Variants in NEURL1B observed in about 807,000 individuals in gnomAD.
NEURL1B encodes the protein E3 ubiquitin-protein ligase NEURL1B.
A neutral mutation model predicts 37.4 loss-of-function variants in NEURL1B; 13 were observed. The observed-to-expected ratio is 0.35, with a 90% CI of 0.23 to 0.55. NEURL1B has a LOEUF of 0.55. NEURL1B is among the 20% of genes least tolerant of loss of function. The pLI is 0.89. For missense variants in NEURL1B, 790 were observed against 879.2 expected (o/e 0.90, Z 1.28); for synonymous variants, 432 against 426.6 (o/e 1.01, Z -0.16).
intron 2 of NEURL1B, among the ~76,000 whole-genome samples, chr5:172,679,889 C>T (rs1459149962): frequency 1.3e-5 from 2 of 152,164 alleles, no homozygotes; most frequent in Non-Finnish European, 2.9e-5. Flanking sequence ...CCAGCTCTGT[C>T]ACTCCCCAGC....
intron 2 of NEURL1B, among the ~76,000 whole-genome samples, chr5:172,677,425 C>T (rs1758251808): frequency 6.6e-6 from 1 of 152,148 alleles, no homozygotes; most frequent in Non-Finnish European, 1.5e-5. Context: ...TCCCCACAGG[C>T]CACTAAGATG....
At chr5:172,664,246 C>T (rs1019577641) in intron 1 of NEURL1B, among the ~76,000 whole-genome samples, 1 of 152,112 alleles carries the variant, frequency 6.6e-6, no homozygotes, top group Non-Finnish European at 1.5e-5. Context: ...CTCAACGCTG[C>T]CCCCTTGCAG....
At chr5:172,671,255 G>C (rs1758125290) in intron 2 of NEURL1B, among the ~76,000 whole-genome samples, 2 of 152,240 alleles carry the variant, frequency 1.3e-5, no homozygotes, top group South Asian at 4.1e-4. Context: ...CTTAGCTCTT[G>C]AACCTACAGG....
rs1453939347 is a variant in NEURL1B, at chr5:172,661,158, G to A, written c.32-8627G>A. On this transcript the variant is annotated intron_variant, in intron 1 of 4. Transcript: ENST00000369800. This position sits in a 1 kb window ranked among gnomAD's most constrained non-coding sequence, Gnocchi z 4.0. ...AGTGCTGGTTTACATTTTGGACTGG[G>A]GCAAATGTCATTTGAACCAGAGATT... Among the ~76,000 whole-genome samples, 1 of 152,158 alleles carries A rather than the reference G, an allele frequency of 6.6e-6. No homozygotes were observed. Among genetic ancestry groups the A allele is most frequent in the Admixed American group, 6.5e-5 (1 of 15,284 alleles).
At chr5:172,650,381 G>A (rs1363933727) in intron 1 of NEURL1B, among the ~76,000 whole-genome samples, 3 of 152,188 alleles carry the variant, frequency 2.0e-5, no homozygotes, top group Non-Finnish European at 2.9e-5. Context: ...CTGTTCTCAG[G>A]ACCAGAGGGT....
intron 1 of NEURL1B, among the ~76,000 whole-genome samples, chr5:172,653,896 T>C (rs905080673): frequency 1.3e-5 from 2 of 152,346 alleles, no homozygotes; most frequent in South Asian, 4.1e-4. Context: ...GCCTCAACTT[T>C]CTGACTTACT....
intron 1 of NEURL1B, among the ~76,000 whole-genome samples, chr5:172,668,855 G>T (rs1463627606): frequency 1.3e-5 from 2 of 152,174 alleles, no homozygotes; most frequent in Non-Finnish European, 2.9e-5. Context: ...GAGCCACCTG[G>T]CTTTGTGATC....
intron 1 of NEURL1B, among the ~76,000 whole-genome samples, chr5:172,648,457 G>A (rs142616743): frequency 3.9e-5 from 6 of 152,322 alleles, no homozygotes; most frequent in Middle Eastern, 3.4e-3. Context: ...CAGCAGGTAC[G>A]TCCATGTCTA....
At position 172,684,015 on chromosome 5, in the gene NEURL1B, G is replaced by T; in HGVS notation, c.1174G>T (p.Gly392Cys). 7.5e-7 allele frequency: 1 copy of T among 1,336,054 alleles called. No individual in the cohort carries two copies. Among genetic ancestry groups the T allele is most frequent in the Non-Finnish European group, 9.6e-7 (1 of 1,040,994 alleles). 82.8% of individuals were successfully genotyped at this position (1,336,054 alleles called of 1,614,324 possible). A position where few individuals can be genotyped will look rare whatever the true frequency, so the allele number is the denominator to read the frequency against. The change falls in exon 3 of 5, where the codon GGC becomes TGC. Residue 392 changes from glycine to cysteine, a missense_variant. Gly to Cys is a radical substitution (Grantham distance 159). Around this residue, in one of 3 missense-constraint regions of NEURL1B, gnomAD observed 460 missense variants for 407.4 expected, o/e 1.13. Transcript: ENST00000369800. ...GCTCAGCTTCACGCTGCGGCCCGGC[G>T]GCGACGTGCTCCTGGGCATCAACGG... ...DALSFTLRPG[G>C]DVLLGINGRP... is the part of the protein sequence containing the mutation.
At chr5:172,651,256 A>G (rs998140379) in intron 1 of NEURL1B, among the ~76,000 whole-genome samples, 1 of 152,138 alleles carries the variant, frequency 6.6e-6, no homozygotes, top group Non-Finnish European at 1.5e-5. Context: ...TTCTCTGGAT[A>G]AGGTGGAGGA....
In NEURL1B at chr5:172,676,584, C is replaced by G. The variant is rs1758235835; in HGVS notation, c.577+6254C>G. Among the ~76,000 whole-genome samples the G allele has an allele frequency of 6.6e-6, 1 of 152,176 alleles. No homozygotes were observed. Among genetic ancestry groups the G allele is most frequent in the African/African-American group, 2.4e-5 (1 of 41,452 alleles). On this transcript the variant is annotated intron_variant, in intron 2 of 4. Coordinates refer to ENST00000369800, the MANE Select transcript of NEURL1B (RefSeq NM_001142651.3). This position sits in a 1 kb window ranked among gnomAD's most constrained non-coding sequence, Gnocchi z 4.5. ...GAGGTGGGGGTGGGGCAGTTCCCTC[C>G]AAAGAAAAGCTGGGTGCTGTTACCA...
intron 1 of NEURL1B, among the ~76,000 whole-genome samples, chr5:172,655,477 C>T (rs762173520): frequency 2.7e-4 from 41 of 152,250 alleles, no homozygotes; most frequent in Admixed American, 2.0e-4. Context: ...AGGATCCACC[C>T]TAAACCATAT....
chr5:172,686,952 G>A lies in NEURL1B; in HGVS notation c.*27G>A, dbSNP rs2113341608. 6.5e-7 allele frequency: 1 copy of A among 1,529,236 alleles called. No individual in the cohort carries two copies. Among genetic ancestry groups the A allele is most frequent in the South Asian group, 1.2e-5 (1 of 83,292 alleles). The allele number at this position is 1,529,236 out of a possible 1,614,324, so 94.7% of individuals were successfully genotyped here. On this transcript the variant is annotated 3_prime_UTR_variant, in exon 5 of 5. Coordinates refer to ENST00000369800, the MANE Select transcript of NEURL1B (RefSeq NM_001142651.3). This position sits in a 1 kb window ranked among gnomAD's most constrained non-coding sequence, Gnocchi z 7.9. ...CTAGCCTGCCCACGGGCCTTGGCCG[G>A]TGCAAGGTCACCTTTCTGAAGGCCC... is the stretch of plus-strand genomic sequence containing the variant.
chr5:172,688,888 C>T lies in NEURL1B; in HGVS notation c.*1963C>T, dbSNP rs1341487735. ...CATGGGAGGACTCCTCACCCCAGGC[C>T]TGTGGTGCTGCAGACAACCGTCTCC... On this transcript the variant is annotated 3_prime_UTR_variant, in exon 5 of 5. Coordinates refer to ENST00000369800, the MANE Select transcript of NEURL1B (RefSeq NM_001142651.3). The surrounding 1 kb of genome is among the most constrained non-coding windows in gnomAD (Gnocchi z 4.3). 6.6e-6 allele frequency: 1 copy of T among 152,270 alleles called. No homozygotes were observed. Among genetic ancestry groups the T allele is most frequent in the Non-Finnish European group, 1.5e-5 (1 of 68,058 alleles). The allele number at this position is 152,270 out of a possible 1,614,324, so 9.4% of individuals were successfully genotyped here. A position where few individuals can be genotyped will look rare whatever the true frequency, so the allele number is the denominator to read the frequency against.
At position 172,657,986 on chromosome 5, in the gene NEURL1B, C is replaced by G. The variant is rs10055547; in HGVS notation, c.32-11799C>G. On this transcript the variant is annotated intron_variant, in intron 1 of 4. Coordinates refer to ENST00000369800, the MANE Select transcript of NEURL1B (RefSeq NM_001142651.3). This position sits in a 1 kb window ranked among gnomAD's most constrained non-coding sequence, Gnocchi z 4.0. ...AAAACGCTGACATATGCTGCCTTCT[C>G]TGTCTGCTTCAGCTACCTAAGAGGG... 0.17 allele frequency among the ~76,000 whole-genome samples: 25,918 copies of G among 152,194 alleles called. 2,370 individuals are homozygous for G. Among genetic ancestry groups the G allele is most frequent in the Admixed American group, 0.25 (3,760 of 15,288 alleles).
At chr5:172,680,230 CTA>C (rs1354667332) in intron 2 of NEURL1B, among the ~76,000 whole-genome samples, 3 of 152,186 alleles carry the variant, frequency 2.0e-5, no homozygotes, top group African/African-American at 7.2e-5. Flanking sequence ...CTCTATCACT[CTA>C]TGTTATGCTG....
At chr5:172,678,585 G>GT (rs1372180687) in intron 2 of NEURL1B, among the ~76,000 whole-genome samples, 1 of 149,292 alleles carries the variant, frequency 6.7e-6, no homozygotes, top group Admixed American at 6.6e-5. Flanking sequence ...GCCATTGGCA[G>GT]TAAGTGACAC....
chr5:172,661,028 G>A lies in NEURL1B; in HGVS notation c.32-8757G>A, dbSNP rs1380308844. The stretch of plus-strand genomic sequence containing the variant: ...ATATCTTGGCCCCTCTGGATATGGC[G>A]GGAAGCCTTGCTAAATACCAGCCTT... On this transcript the variant is annotated intron_variant, in intron 1 of 4. Coordinates refer to ENST00000369800, the MANE Select transcript of NEURL1B (RefSeq NM_001142651.3). This position sits in a 1 kb window ranked among gnomAD's most constrained non-coding sequence, Gnocchi z 4.0. Among the ~76,000 whole-genome samples, 4 of 152,134 alleles carry A rather than the reference G, an allele frequency of 2.6e-5. No homozygotes were observed. Among genetic ancestry groups the A allele is most frequent in the African/African-American group, 9.7e-5 (4 of 41,436 alleles).
chr5:172,670,734 T>C (rs978327337), intron 2 of NEURL1B, among the ~76,000 whole-genome samples: 3 of 152,252 alleles, frequency 2.0e-5, no homozygotes, highest in Non-Finnish European at 4.4e-5. Flanking sequence ...CATTCGCACA[T>C]GTATTCATTT....
Sources: gnomAD v4.1 joint callset for allele counts (sites outside exome capture counted in the v4.1 genomes callset) on GRCh38, gnomAD v4.1.1 for gene constraint, gnomAD v4.1.1 regional missense constraint, Gnocchi (gnomAD v3.1) non-coding constraint, MANE v1.5 for transcripts, NCBI Gene and HGNC (gene_info 2026-07-23, HGNC 2026-07-21) for gene names.